WDR88: variants seen among roughly 807,000 people sequenced by gnomAD.
The protein encoded by WDR88 is WD repeat-containing protein 88.
WDR88 carries 40 observed loss-of-function variants against 46.8 expected under a neutral mutation model. The ratio of observed to expected loss-of-function variants is 0.86; its 90% CI spans 0.66 to 1.11. The LOEUF (loss-of-function observed/expected upper bound fraction) is 1.11, where lower values mean the gene tolerates loss of function less well. WDR88 is among the 50% of genes most tolerant of loss of function. WDR88 has a pLI of 0.00. For missense variants in WDR88, 562 were observed against 602.4 expected (o/e 0.93, Z 0.70); for synonymous variants, 235 against 240.7 (o/e 0.98, Z 0.22).
chr19:33,174,282 C>A (rs4805855), intron 10 of WDR88: 7 of 1,532,628 alleles, frequency 4.6e-6, no homozygotes, highest in Admixed American at 2.0e-5. Flanking sequence ...CAGGCTTCCC[C>A]GAGGCCTGCC....
chr19:33,139,808 A>G (rs192754752), intron 2 of WDR88, among the ~76,000 whole-genome samples: 3 of 152,268 alleles, frequency 2.0e-5, no homozygotes, highest in Non-Finnish European at 1.5e-5. Flanking sequence ...GGGAGAAAAT[A>G]TGCATACACA....
chr19:33,137,375 T>C (rs964760917), intron 1 of WDR88, among the ~76,000 whole-genome samples: 20 of 151,354 alleles, frequency 1.3e-4, no homozygotes, highest in Non-Finnish European at 2.5e-4. Flanking sequence ...TGCCTCAGCC[T>C]CCGAGTAGCT....
At chr19:33,154,340 T>A (rs1330097543) in intron 6 of WDR88, among the ~76,000 whole-genome samples, 3 of 152,086 alleles carry the variant, frequency 2.0e-5, no homozygotes, top group Non-Finnish European at 4.4e-5. Flanking sequence ...GCCCCGCATG[T>A]GTTAGGTATT....
chr19:33,172,473 G>C (rs569961657), intron 10 of WDR88, 33 bp downstream of exon 10: 1 of 1,531,820 alleles, frequency 6.5e-7, no homozygotes, highest in African/African-American at 1.4e-5. Flanking sequence ...CCCAGTGAAG[G>C]CTTTCGTTAG....
chr19:33,148,717 G>A (rs1973569857), intron 4 of WDR88, 55 bp from the exon 5 acceptor site: 4 of 1,611,550 alleles, frequency 2.5e-6, no homozygotes, highest in Non-Finnish European at 3.4e-6. Context: ...GGGTTTACAG[G>A]TGTAACACAC....
At position 33,135,913 on chromosome 19, in the gene WDR88, G is replaced by A. The variant is rs575277003; in HGVS notation, c.277-1764G>A. On this transcript the variant is annotated intron_variant, in intron 1 of 10. Coordinates refer to ENST00000355868, the MANE Select transcript of WDR88 (RefSeq NM_173479.4). ...TTTCTTTTCTTTTATTTTTTAAGAC[G>A]AAGTCTTGCTCTGTCACCCAGGCTG... is the stretch of plus-strand genomic sequence containing the variant. 1.9e-3 allele frequency among the ~76,000 whole-genome samples: 288 copies of A among 150,304 alleles called. 1 individual carries two copies. The highest frequency in any genetic ancestry group is 6.9e-3 in the African/African-American group (278 of 40,580).
At chr19:33,171,454 TCCC>T in intron 9 of WDR88, among the ~76,000 whole-genome samples, 1 of 152,258 alleles carries the variant, frequency 6.6e-6, no homozygotes, top group Non-Finnish European at 1.5e-5. Flanking sequence ...CCCTTTGTTC[TCCC>T]ACAGGATATT....
intron 6 of WDR88, among the ~76,000 whole-genome samples, chr19:33,153,225 G>GTT (rs1273804067): frequency 9.1e-5 from 10 of 110,206 alleles, no homozygotes; most frequent in African/African-American, 4.5e-4. Flanking sequence ...TAATTTTTAA[G>GTT]TTTGTTTTTT....
intron 4 of WDR88, 36 bp from the exon 5 acceptor site, chr19:33,148,736 G>T: frequency 6.2e-7 from 1 of 1,613,678 alleles, no homozygotes; most frequent in East Asian, 2.2e-5. Flanking sequence ...ACCACACCTG[G>T]CTTAAAACAA....
intron 5 of WDR88, among the ~76,000 whole-genome samples, chr19:33,150,313 G>A (rs1309109696): frequency 1.3e-5 from 2 of 152,088 alleles, no homozygotes; most frequent in African/African-American, 4.8e-5. Context: ...TTAGCCGGGC[G>A]TGGTGGCGGG....
chr19:33,144,990 T>C, intron 3 of WDR88, 58 bp downstream of exon 3: 1 of 1,464,460 alleles, frequency 6.8e-7, no homozygotes, highest in Non-Finnish European at 9.5e-7. Context: ...ATGCCATAAA[T>C]AGGTATGCCT....
At chr19:33,144,748 C>A in intron 2 of WDR88, 96 bp from the exon 3 acceptor site, 1 of 1,135,322 alleles carries the variant, frequency 8.8e-7, no homozygotes, top group Non-Finnish European at 1.3e-6. Flanking sequence ...ATTTTGCTAC[C>A]AGAGATAAGC....
intron 2 of WDR88, among the ~76,000 whole-genome samples, chr19:33,144,037 C>G (rs899218415): frequency 2.6e-5 from 4 of 152,094 alleles, no homozygotes; most frequent in Non-Finnish European, 5.9e-5. Context: ...AGGGAGTGGG[C>G]CGATCTCTGC....
At chr19:33,174,884 G>T in intron 10 of WDR88, 1 of 985,438 alleles carries the variant, frequency 1.0e-6, no homozygotes, top group Non-Finnish European at 1.2e-6. Context: ...TTAGCCATTG[G>T]TGGGGAAGCA....
rs749596712 is a variant in WDR88, at chr19:33,137,701, C to T, written c.301C>T (p.His101Tyr). The change falls in exon 2 of 11, where the codon CAC becomes TAC. Residue 101 changes from histidine (H) to tyrosine (Y), a missense_variant. Physicochemically the swap from His to Tyr is moderately conservative, Grantham distance 83. Coordinates refer to ENST00000355868, the MANE Select transcript of WDR88 (RefSeq NM_173479.4). ...SKIPFKILSG[H>Y]EHAVSTCHFC... ...GATCCCATTTAAAATTCTGAGTGGG[C>T]ACGAGCACGCTGTGAGCACCTGCCA... The T allele has an allele frequency of 6.8e-6, 11 of 1,613,822 alleles. No individual in the cohort carries two copies. The highest frequency in any genetic ancestry group is 9.3e-6 in the Non-Finnish European group (11 of 1,179,994).
rs890138129 is a variant in WDR88, at chr19:33,132,594, A to C, written c.276+149A>C. 12 of 1,289,974 alleles carry C rather than the reference A, an allele frequency of 9.3e-6. No homozygotes were observed. The African/African-American group carries it at 1.5e-4, about 16-fold the overall frequency. 79.9% of individuals were successfully genotyped at this position (1,289,974 alleles called of 1,614,324 possible). A position where few individuals can be genotyped will look rare whatever the true frequency, so the allele number is the denominator to read the frequency against. On this transcript the variant is annotated intron_variant, in intron 1 of 10. Transcript: ENST00000355868. ...AGGCCCATTTCCCCATCTGTGGTACATCTGTGGGCAAAGGTCAGACCCACC... is the reference window on the plus strand; with the variant it reads ...AGGCCCATTTCCCCATCTGTGGTACCTCTGTGGGCAAAGGTCAGACCCACC...
Position 33,156,360 on chromosome 19 carries a change from A to G in WDR88, c.815A>G (p.His272Arg). 1 of 1,614,014 alleles carries G rather than the reference A, an allele frequency of 6.2e-7. No homozygotes were observed. Among genetic ancestry groups the G allele is most frequent in the Non-Finnish European group, 8.5e-7 (1 of 1,179,952 alleles). The change falls in exon 7 of 11, where the codon CAT becomes CGT. Residue 272 changes from histidine (H) to arginine (R), a missense_variant. Physicochemically the swap from His to Arg is conservative, Grantham distance 29. Transcript: ENST00000355868. ...QATLLTITKA[H>R]SNAISNCCFT... ...CCCCACCATCTGTGTTTCAGGGCAC[A>G]TTCCAATGCAATCTCAAACTGCTGT...
chr19:33,165,127 G>C (rs1973932387), intron 9 of WDR88, among the ~76,000 whole-genome samples: 2 of 152,106 alleles, frequency 1.3e-5, no homozygotes, highest in Non-Finnish European at 2.9e-5. Context: ...GAGCTCAGGT[G>C]GTAAAGCTAG....
At chr19:33,156,691 G>A in intron 7 of WDR88, 149 bp downstream of exon 7, 1 of 894,962 alleles carries the variant, frequency 1.1e-6, no homozygotes, top group Non-Finnish European at 1.6e-6. Flanking sequence ...AACCCAAGAG[G>A]GAAGACCACA....
Sources: gnomAD v4.1 joint callset for allele counts (sites outside exome capture counted in the v4.1 genomes callset) on GRCh38, gnomAD v4.1.1 for gene constraint, MANE v1.5 for transcripts, NCBI Gene and HGNC (gene_info 2026-07-23, HGNC 2026-07-21) for gene names.